GRIK2: variants seen among roughly 807,000 people sequenced by gnomAD.
The protein encoded by GRIK2 is glutamate ionotropic receptor kainate type subunit 2.
A neutral mutation model predicts 100.3 loss-of-function variants in GRIK2; 32 were observed. The ratio of observed to expected loss-of-function variants is 0.32; its 90% CI spans 0.24 to 0.43. The LOEUF (loss-of-function observed/expected upper bound fraction) is 0.43. Ranked by LOEUF, GRIK2 falls within the 20% of genes least tolerant of loss-of-function variation. GRIK2 has a pLI of 1.00. For synonymous variants in GRIK2, 417 were observed against 389.4 expected (o/e 1.07, Z -0.83); for missense variants, 843 against 1,114.9 (o/e 0.76, Z 3.47).
intron 9 of GRIK2, among the ~76,000 whole-genome samples, chr6:101,802,787 A>G (rs1437916437): frequency 2.0e-5 from 3 of 151,900 alleles, no homozygotes. Context: ...TTATGGTTGC[A>G]TAGACTTTCC....
intron 16 of GRIK2, among the ~76,000 whole-genome samples, chr6:102,058,257 G>C (rs1771562747): frequency 6.6e-6 from 1 of 151,524 alleles, no homozygotes; most frequent in African/African-American, 2.4e-5. Flanking sequence ...AATTCTTCTT[G>C]CTGTTAGGAC....
At position 101,463,176 on chromosome 6, in the gene GRIK2, G is replaced by A. The variant is rs62419589; in HGVS notation, c.115+63784G>A. Among the ~76,000 whole-genome samples, 864 of 152,184 alleles carry A rather than the reference G, an allele frequency of 5.7e-3. 1 individual carries two copies. Among genetic ancestry groups the A allele is most frequent in the Non-Finnish European group, 0.01 (698 of 68,008 alleles). On this transcript the variant is annotated intron_variant, in intron 2 of 16. Transcript: ENST00000369134. The stretch of plus-strand genomic sequence containing the variant: ...AATATTCTGCTAACATTATATAATA[G>A]CATAGAGACATTTTACAGGCAGTGT...
chr6:102,009,632 A>G (rs959415980), intron 14 of GRIK2, among the ~76,000 whole-genome samples: 3 of 152,144 alleles, frequency 2.0e-5, no homozygotes, highest in Non-Finnish European at 4.4e-5. Context: ...TTTATATACA[A>G]AAAGTCTTTG....
chr6:101,683,787 G>T (rs1354954773), intron 6 of GRIK2, among the ~76,000 whole-genome samples: 2 of 152,222 alleles, frequency 1.3e-5, no homozygotes, highest in Non-Finnish European at 2.9e-5. Context: ...TTAAACTTTA[G>T]TGTCCTCTGA....
At chr6:101,892,059 C>T (rs929806353) in intron 12 of GRIK2, among the ~76,000 whole-genome samples, 1 of 151,956 alleles carries the variant, frequency 6.6e-6, no homozygotes. Flanking sequence ...TTTGCATGTA[C>T]CCTTGTTTTT....
At chr6:102,036,948 CCTTTA>C (rs1770303060) in intron 15 of GRIK2, among the ~76,000 whole-genome samples, 1 of 151,224 alleles carries the variant, frequency 6.6e-6, no homozygotes, top group Non-Finnish European at 1.5e-5. Flanking sequence ...ATGCTTTGGA[CCTTTA>C]CTTTTGCAAA....
chr6:102,065,709 C>A, intron 16 of GRIK2: 3 of 730,746 alleles, frequency 4.1e-6, no homozygotes, highest in South Asian at 3.7e-5. Flanking sequence ...CAATGTTACA[C>A]GTCCTATAAC....
intron 7 of GRIK2, among the ~76,000 whole-genome samples, chr6:101,794,943 G>A (rs1474076118): frequency 6.7e-6 from 1 of 150,268 alleles, no homozygotes; most frequent in Admixed American, 6.6e-5. Flanking sequence ...TTGGCTGACT[G>A]CAACTTCTGC....
intron 2 of GRIK2, among the ~76,000 whole-genome samples, chr6:101,413,113 A>G (rs1268139279): frequency 6.6e-6 from 1 of 152,010 alleles, no homozygotes; most frequent in East Asian, 1.9e-4. Flanking sequence ...AACTGTGGAG[A>G]GAATTTTAAC....
chr6:101,716,015 C>T (rs1175910474), intron 7 of GRIK2, among the ~76,000 whole-genome samples: 1 of 151,730 alleles, frequency 6.6e-6, no homozygotes, highest in Non-Finnish European at 1.5e-5. Flanking sequence ...CTATAGCTTC[C>T]TCCACTTCCA....
intron 7 of GRIK2, among the ~76,000 whole-genome samples, chr6:101,753,332 C>A (rs895793261): frequency 6.6e-5 from 10 of 151,010 alleles, no homozygotes; most frequent in African/African-American, 2.4e-4. Flanking sequence ...TGTCCAACTT[C>A]CAAAACACTT....
chr6:101,455,159 C>T (rs958207373), intron 2 of GRIK2, among the ~76,000 whole-genome samples: 1 of 151,972 alleles, frequency 6.6e-6, no homozygotes, highest in Non-Finnish European at 1.5e-5. Flanking sequence ...CAGGCTGAGG[C>T]AGGGAAAGGA....
intron 7 of GRIK2, among the ~76,000 whole-genome samples, chr6:101,722,393 C>G (rs756225789): frequency 7.2e-5 from 11 of 152,002 alleles, no homozygotes; most frequent in Non-Finnish European, 1.3e-4. Flanking sequence ...CTTCCTTTGA[C>G]TTTCAGATCC....
chr6:101,483,793 C>T (rs1329680949), intron 2 of GRIK2, among the ~76,000 whole-genome samples: 1 of 152,154 alleles, frequency 6.6e-6, no homozygotes, highest in African/African-American at 2.4e-5. Context: ...CCAGGCTGGT[C>T]TCCTGACCTC....
chr6:101,887,790 A>G (rs1345789315), intron 11 of GRIK2, among the ~76,000 whole-genome samples: 3 of 152,024 alleles, frequency 2.0e-5, no homozygotes, highest in African/African-American at 2.4e-5. Context: ...TGAGAACTCT[A>G]TCAGGAGACA....
intron 7 of GRIK2, among the ~76,000 whole-genome samples, chr6:101,770,833 T>C (rs1008172179): frequency 1.3e-5 from 2 of 152,182 alleles, no homozygotes; most frequent in Admixed American, 1.3e-4. Context: ...GCAGGTATAG[T>C]GTGTTCTTCT....
chr6:101,599,066 C>T (rs1052744467), intron 2 of GRIK2, among the ~76,000 whole-genome samples: 7 of 151,624 alleles, frequency 4.6e-5, no homozygotes, highest in African/African-American at 1.7e-4. Context: ...GTCCCCTTCC[C>T]TCCCTCCATC....
At chr6:101,559,738 C>T (rs1776912300) in intron 2 of GRIK2, among the ~76,000 whole-genome samples, 1 of 151,858 alleles carries the variant, frequency 6.6e-6, no homozygotes, top group African/African-American at 2.4e-5. Context: ...AGTCTCTTTC[C>T]CTTTTCCACC....
chr6:101,950,771 C>A (rs981614100), intron 14 of GRIK2, among the ~76,000 whole-genome samples: 6 of 151,802 alleles, frequency 4.0e-5, no homozygotes, highest in African/African-American at 1.5e-4. Context: ...CAAGTACTAA[C>A]AGTAGTGGGA....
Sources: allele counts gnomAD v4.1 joint callset (sites outside exome capture counted in the v4.1 genomes callset), GRCh38; gene constraint gnomAD v4.1.1; transcripts MANE v1.5; gene names NCBI Gene and HGNC (gene_info 2026-07-23, HGNC 2026-07-21).